SAP130: variants seen among roughly 807,000 people sequenced by gnomAD.
The protein encoded by SAP130 is Sin3A associated protein 130.
Under a neutral mutation model 103.2 loss-of-function variants are expected in SAP130, and 16 were observed. The ratio of observed to expected loss-of-function variants is 0.16; its 90% CI spans 0.10 to 0.24. The LOEUF is 0.24. SAP130 is among the 10% of genes least tolerant of loss of function. The probability of loss-of-function intolerance (pLI) is 1.00; values close to 1 mark genes in which losing one functional copy is unlikely to be tolerated. For missense variants in SAP130, 990 were observed against 1,359.7 expected (o/e 0.73, Z 4.28); for synonymous variants, 477 against 497.0 (o/e 0.96, Z 0.53).
chr2:127,956,546 G>A (rs1490603737), intron 15 of SAP130, among the ~76,000 whole-genome samples: 1 of 131,262 alleles, frequency 7.6e-6, no homozygotes, highest in Non-Finnish European at 1.6e-5. Context: ...ACACACCAGG[G>A]CCTGTCATGG....
chr2:127,944,817 A>C (rs1395549468), intron 19 of SAP130, among the ~76,000 whole-genome samples: 4 of 151,228 alleles, frequency 2.6e-5, no homozygotes, highest in Non-Finnish European at 5.9e-5. Flanking sequence ...GGATTAACTT[A>C]AGCCCAGCAG....
In SAP130 at chr2:127,955,227, C is replaced by T. The variant is rs1679754569; in HGVS notation, c.2181G>A (p.Gln727=). The part of the protein sequence containing the change: ...QPTIAVPPTA[Q]QPPPTIPTMI... ...TAGTTGGAATGGTCGGTGGGGGCTGCTGGGCAGTTGGAGGGACGGCAATGG... is the reference window on the plus strand; with the variant it reads ...TAGTTGGAATGGTCGGTGGGGGCTGTTGGGCAGTTGGAGGGACGGCAATGG... Residue 727 remains glutamine, a synonymous_variant, in exon 16 of 21, where the codon CAG becomes CAA. Transcript: ENST00000643581. The surrounding 1 kb of genome is among the most constrained non-coding windows in gnomAD (Gnocchi z 4.9). 6.2e-7 allele frequency: 1 copy of T among 1,614,044 alleles called. No individual in the cohort carries two copies.
In SAP130 at chr2:127,959,399, G is replaced by A. The variant is rs59802795; in HGVS notation, c.2064-4055C>T. The stretch of plus-strand genomic sequence containing the variant: ...AGTGAAACGTCACAGAAACAACTGC[G>A]GCCTTGGCAAAGGCTGAGAAGAGTC... On this transcript the variant is annotated intron_variant, in intron 15 of 20. Coordinates refer to ENST00000643581, the MANE Select transcript of SAP130 (RefSeq NM_001330301.2). 8.0e-3 allele frequency among the ~76,000 whole-genome samples: 1,216 copies of A among 152,240 alleles called. 27 individuals carry two copies. Among genetic ancestry groups the A allele is most frequent in the African/African-American group, 0.026 (1,076 of 41,540 alleles).
In SAP130 at chr2:128,009,187, C is replaced by T. The variant is rs189947240; in HGVS notation, c.869+1082G>A. Among the ~76,000 whole-genome samples, 201 of 152,204 alleles carry T rather than the reference C, an allele frequency of 1.3e-3. 1 individual carries two copies. Among genetic ancestry groups the T allele is most frequent in the African/African-American group, 4.6e-3 (193 of 41,548 alleles). On this transcript the variant is annotated intron_variant, in intron 7 of 20. Transcript: ENST00000643581. ...TTGACTCTATCCTTCAAAATCTACC[C>T]AGGGCCAGGTGTGGTGGCTGGCTCA...
chr2:128,021,694 T>C (rs1685175085), intron 2 of SAP130, among the ~76,000 whole-genome samples: 1 of 152,216 alleles, frequency 6.6e-6, no homozygotes. Flanking sequence ...GGTAAGTATA[T>C]GTTTAACTTT....
intron 15 of SAP130, among the ~76,000 whole-genome samples, chr2:127,973,844 T>C (rs1681265707): frequency 6.6e-6 from 1 of 152,062 alleles, no homozygotes; most frequent in Non-Finnish European, 1.5e-5. Flanking sequence ...GAGGCTGAGG[T>C]GGGAATACTG....
intron 2 of SAP130, among the ~76,000 whole-genome samples, chr2:128,018,700 G>A (rs1302117196): frequency 6.6e-6 from 1 of 151,846 alleles, no homozygotes; most frequent in African/African-American, 2.4e-5. Context: ...GCAGAGGGAG[G>A]AGGATCACTT....
intron 1 of SAP130, 37 bp downstream of exon 1, chr2:128,027,903 C>T: frequency 2.0e-6 from 2 of 981,040 alleles, no homozygotes; most frequent in Non-Finnish European, 2.4e-6. Context: ...CCCCTCGTCT[C>T]CTCCCCTTCC....
At chr2:127,980,643 T>C (rs184103959) in intron 14 of SAP130, among the ~76,000 whole-genome samples, 1 of 152,270 alleles carries the variant, frequency 6.6e-6, no homozygotes, top group East Asian at 1.9e-4. Context: ...CATGGTATTT[T>C]ATACAATTAA....
At chr2:128,000,171 G>A in intron 8 of SAP130, 25 bp from the exon 9 acceptor site, 1 of 1,612,072 alleles carries the variant, frequency 6.2e-7, no homozygotes, top group Non-Finnish European at 8.5e-7. Context: ...CCACAACACA[G>A]TTATAAGAAC....
rs893079741 is a variant in SAP130 at position 127,996,872 on chromosome 2, G to A, written c.1214-381C>T. 6.6e-6 allele frequency among the ~76,000 whole-genome samples: 1 copy of A among 152,016 alleles called. No homozygotes were observed. The highest frequency in any genetic ancestry group is 2.4e-5 in the African/African-American group (1 of 41,358). ...TTCAAGGCTACAGTGAGCCATGACT[G>A]CACCACTATACTCCAGCCTCACTCA... On this transcript the variant is annotated intron_variant, in intron 10 of 20. Coordinates refer to ENST00000643581, the MANE Select transcript of SAP130 (RefSeq NM_001330301.2). The surrounding 1 kb of genome is among the most constrained non-coding windows in gnomAD (Gnocchi z 4.3).
chr2:127,946,409 C>T (rs1006096836), intron 18 of SAP130, among the ~76,000 whole-genome samples: 1 of 152,038 alleles, frequency 6.6e-6, no homozygotes, highest in African/African-American at 2.4e-5. Context: ...CAAGGAAGAA[C>T]CCTTCTTTTT....
At chr2:127,959,734 C>A (rs1680103481) in intron 15 of SAP130, among the ~76,000 whole-genome samples, 1 of 152,000 alleles carries the variant, frequency 6.6e-6, no homozygotes, top group Non-Finnish European at 1.5e-5. Flanking sequence ...AATTACCTGA[C>A]AAGGACTTTA....
intron 15 of SAP130, among the ~76,000 whole-genome samples, chr2:127,956,718 A>G (rs1471830566): frequency 2.0e-5 from 3 of 151,392 alleles, no homozygotes; most frequent in Non-Finnish European, 4.4e-5. Flanking sequence ...AAAAAAAAAA[A>G]AAAAAGAAAG....
chr2:127,992,968 C>T (rs1413915118), intron 12 of SAP130, among the ~76,000 whole-genome samples: 3 of 152,150 alleles, frequency 2.0e-5, no homozygotes, highest in Non-Finnish European at 4.4e-5. Flanking sequence ...TGAGTATCCT[C>T]AGGGTGGCAT....
chr2:127,978,069 A>G lies in SAP130; in HGVS notation c.1979T>C (p.Leu660Pro). The G allele has an allele frequency of 6.4e-7, 1 of 1,551,754 alleles. No individual in the cohort carries two copies. Among genetic ancestry groups the G allele is most frequent in the Non-Finnish European group, 8.7e-7 (1 of 1,146,982 alleles). ...AACATCAGGAGGCTGAGGAGGAATG[A>G]GGGTTTTCCGAACTGCCATTCTGAA... is the stretch of plus-strand genomic sequence containing the variant. ...ATDGMAVRKT[L>P]IPPQPPDVAS... The change falls in exon 15 of 21, where the codon CTC (leucine) becomes CCC (proline). Residue 660 changes from leucine to proline, a missense_variant. Physicochemically the swap from Leu to Pro is moderately conservative, Grantham distance 98. Coordinates refer to ENST00000643581, the MANE Select transcript of SAP130 (RefSeq NM_001330301.2).
intron 2 of SAP130, among the ~76,000 whole-genome samples, chr2:128,021,205 T>C (rs1206544271): frequency 6.6e-6 from 1 of 152,080 alleles, no homozygotes; most frequent in Non-Finnish European, 1.5e-5. Context: ...TCCCAGCACT[T>C]TGGGAGGCCA....
At position 127,945,505 on chromosome 2, in the gene SAP130, C is replaced by A; in HGVS notation, c.2852G>T (p.Arg951Leu). The A allele has an allele frequency of 2.5e-6, 4 of 1,613,552 alleles. No individual in the cohort carries two copies. The highest frequency in any genetic ancestry group is 2.2e-5 in the East Asian group (1 of 44,888). The change falls in exon 19 of 21, where the codon CGT becomes CTT. Residue 951 changes from arginine to leucine, a missense_variant. This residue lies in a region of SAP130 where 69 missense variants were observed against 165.7 expected (regional missense o/e 0.42). Coordinates refer to ENST00000643581, the MANE Select transcript of SAP130 (RefSeq NM_001330301.2). ...GAGGTGGACTTTCCAGCCTTGAGCA[C>A]GACAGGATACTCCTTTCTGATTAGC... is the stretch of plus-strand genomic sequence containing the variant. Reference protein sequence around the residue: ...EIANQKGVSCRAQGWKVHLCA... With the variant: ...EIANQKGVSCLAQGWKVHLCA...
intron 15 of SAP130, among the ~76,000 whole-genome samples, chr2:127,958,623 G>C (rs1431180761): frequency 2.0e-5 from 3 of 148,346 alleles, no homozygotes; most frequent in Non-Finnish European, 4.5e-5. Flanking sequence ...ATATATATGA[G>C]AGTGAGACAG....
Sources: allele counts gnomAD v4.1 joint callset (sites outside exome capture counted in the v4.1 genomes callset), GRCh38; gene constraint gnomAD v4.1.1; regional missense constraint gnomAD v4.1.1; non-coding constraint Gnocchi (gnomAD v3.1); transcripts MANE v1.5; gene names NCBI Gene and HGNC (gene_info 2026-07-23, HGNC 2026-07-21).